The following CNTN4 variants were observed in gnomAD, a reference collection of about 807,000 sequenced individuals.
CNTN4 encodes contactin 4.
In CNTN4, 77 loss-of-function variants were observed where a neutral mutation model predicts 122.5. The observed-to-expected ratio is 0.63, with a 90% CI of 0.52 to 0.76. The LOEUF is 0.76. Among genes scored for constraint, CNTN4 ranks in the 30% least tolerant of loss-of-function variants. The probability of loss-of-function intolerance (pLI) is 0.00; values close to 1 mark genes in which losing one functional copy is unlikely to be tolerated. For missense variants in CNTN4, 1,256 were observed against 1,259.1 expected (o/e 1.00, Z 0.04); for synonymous variants, 512 against 447.0 (o/e 1.15, Z -1.83).
At chr3:2,832,149 A>G (rs995453136) in intron 7 of CNTN4, among the ~76,000 whole-genome samples, 3 of 152,208 alleles carry the variant, frequency 2.0e-5, no homozygotes, top group Non-Finnish European at 2.9e-5. Flanking sequence ...GTTTACTTCA[A>G]TGGACACAGT....
chr3:2,357,047 C>G (rs898089533), intron 3 of CNTN4, among the ~76,000 whole-genome samples: 1 of 152,256 alleles, frequency 6.6e-6, no homozygotes, highest in Non-Finnish European at 1.5e-5. Flanking sequence ...ACCAGTACTT[C>G]TCAAACTTAA....
At chr3:2,283,762 C>G (rs2041807160) in intron 2 of CNTN4, among the ~76,000 whole-genome samples, 1 of 152,108 alleles carries the variant, frequency 6.6e-6, no homozygotes, top group South Asian at 2.1e-4. Flanking sequence ...TCCCTAAATA[C>G]AATTCAAACG....
At chr3:2,271,869 C>G (rs1445036757) in intron 2 of CNTN4, among the ~76,000 whole-genome samples, 1 of 152,114 alleles carries the variant, frequency 6.6e-6, no homozygotes, top group African/African-American at 2.4e-5. Context: ...TATGTCATTA[C>G]TTTCTATATC....
At chr3:2,345,917 C>G (rs945802477) in intron 3 of CNTN4, among the ~76,000 whole-genome samples, 2 of 152,092 alleles carry the variant, frequency 1.3e-5, no homozygotes, top group Admixed American at 1.3e-4. Context: ...AATATTACTT[C>G]ATTTAAATTA....
intron 3 of CNTN4, among the ~76,000 whole-genome samples, chr3:2,453,165 G>T (rs1328353018): frequency 6.6e-6 from 1 of 151,834 alleles, no homozygotes; most frequent in African/African-American, 2.4e-5. Flanking sequence ...AAATAATCTA[G>T]TGGTTGGTAA....
chr3:2,514,371 C>T (rs1171892225), intron 3 of CNTN4, among the ~76,000 whole-genome samples: 2 of 151,766 alleles, frequency 1.3e-5, no homozygotes, highest in Non-Finnish European at 2.9e-5. Flanking sequence ...GGTGTGGTGG[C>T]ACAGGCCTGT....
intron 4 of CNTN4, among the ~76,000 whole-genome samples, chr3:2,668,093 A>C (rs1190342413): frequency 6.6e-6 from 1 of 152,234 alleles, no homozygotes; most frequent in Non-Finnish European, 1.5e-5. Flanking sequence ...TTGGTTCCAT[A>C]TGAACTTTAA....
Position 2,925,648 on chromosome 3 carries a change from A to T in CNTN4, c.1227A>T (p.Ser409=). ...LSVIAVGPDF[S]RTLLKRVTLV... ...TTTCAGCTGTAGGTCCAGATTTTTC[A>T]AGAACACTCTTGAAAAGAGTAACTC... Residue 409 remains serine, a synonymous_variant, in exon 13 of 25, where the codon TCA becomes TCT. Transcript: ENST00000418658. 6.2e-7 allele frequency: 1 copy of T among 1,614,024 alleles called. No homozygotes were observed. The highest frequency in any genetic ancestry group is 8.5e-7 in the Non-Finnish European group (1 of 1,179,938).
In CNTN4 at chr3:2,385,575, C is replaced by T. The variant is rs192549224; in HGVS notation, c.-89+46342C>T. ...ATCAGGTGTTGGTAGGGCTGTGCTC[C>T]GTCTGTAACCTCTAGGGGAGGGTCG... On this transcript the variant is annotated intron_variant, in intron 3 of 24. Transcript: ENST00000418658. The surrounding 1 kb of genome is among the most constrained non-coding windows in gnomAD (Gnocchi z 4.0). 3.4e-4 allele frequency among the ~76,000 whole-genome samples: 51 copies of T among 152,150 alleles called. No individual in the cohort carries two copies. The highest frequency in any genetic ancestry group is 1.1e-3 in the African/African-American group (46 of 41,542).
intron 2 of CNTN4, among the ~76,000 whole-genome samples, chr3:2,300,121 ATTAT>A (rs1287830097): frequency 2.0e-5 from 3 of 152,198 alleles, no homozygotes; most frequent in African/African-American, 7.2e-5. Flanking sequence ...CTTGAGATAG[ATTAT>A]TTATAGCCCC....
At chr3:2,734,226 A>G (rs2088913094) in intron 4 of CNTN4, among the ~76,000 whole-genome samples, 1 of 152,044 alleles carries the variant, frequency 6.6e-6, no homozygotes, top group Non-Finnish European at 1.5e-5. Context: ...AAGCCCAGCT[A>G]ATTTTTTAAT....
At position 2,942,802 on chromosome 3, in the gene CNTN4, C is replaced by T. The variant is rs1206604083; in HGVS notation, c.1358+17023C>T. ...CTCAGAATCCTTAATATGTTGATTACAGTGATAATCTTCAGGAAGCGTGGT... is the reference window on the plus strand; with the variant it reads ...CTCAGAATCCTTAATATGTTGATTATAGTGATAATCTTCAGGAAGCGTGGT... On this transcript the variant is annotated intron_variant, in intron 13 of 24. Transcript: ENST00000418658. 3.3e-5 allele frequency among the ~76,000 whole-genome samples: 5 copies of T among 152,142 alleles called. No homozygotes were observed. In the South Asian group the frequency reaches 8.3e-4, roughly 25 times the overall value.
intron 3 of CNTN4, among the ~76,000 whole-genome samples, chr3:2,376,600 G>A (rs537233150): frequency 6.7e-6 from 1 of 150,244 alleles, no homozygotes; most frequent in East Asian, 2.0e-4. Context: ...ACTGTTTTTA[G>A]GTCTTTCTAC....
chr3:2,882,193 T>C (rs2093919248), intron 8 of CNTN4, among the ~76,000 whole-genome samples: 3 of 152,048 alleles, frequency 2.0e-5, no homozygotes, highest in Admixed American at 6.5e-5. Context: ...TGAAACCCCG[T>C]CTCCACTAAA....
Position 2,154,123 on chromosome 3 carries a change from G to A in CNTN4, c.-145+53484G>A, listed in dbSNP as rs912701138. ...TGACTGGCCAGGCATGGTGTCTGAC[G>A]CCTGTAATCCCAGCAATTTAGGAGG... On this transcript the variant is annotated intron_variant, in intron 2 of 24. Transcript: ENST00000418658. Among the ~76,000 whole-genome samples, 37 of 151,980 alleles carry A rather than the reference G, an allele frequency of 2.4e-4. No homozygotes were observed. In the East Asian group the frequency reaches 4.3e-3, roughly 17 times the overall value.
chr3:2,506,625 G>C (rs1490062728), intron 3 of CNTN4, among the ~76,000 whole-genome samples: 3 of 152,212 alleles, frequency 2.0e-5, no homozygotes, highest in Non-Finnish European at 2.9e-5. Context: ...TGTTTGCATT[G>C]CATCCCAACT....
chr3:2,409,321 C>T, intron 3 of CNTN4, among the ~76,000 whole-genome samples: 1 of 148,680 alleles, frequency 6.7e-6, no homozygotes, highest in Non-Finnish European at 1.5e-5. Context: ...GATCTTGACT[C>T]ACTGCAAGCT....
In CNTN4 at chr3:2,671,089, A is replaced by C. The variant is rs1358917217; in HGVS notation, c.56-65126A>C. 4.6e-5 allele frequency among the ~76,000 whole-genome samples: 7 copies of C among 152,138 alleles called. No homozygotes were observed. The South Asian group carries it at 8.3e-4, about 18-fold the overall frequency. ...ATGTGTCTTGGAGTTGCTCTTCTCG[A>C]GGAGTATCTTTGTGGCGTTCTCTGT... is the stretch of plus-strand genomic sequence containing the variant. On this transcript the variant is annotated intron_variant, in intron 4 of 24. Coordinates refer to ENST00000418658, the MANE Select transcript of CNTN4 (RefSeq NM_175607.3).
intron 10 of CNTN4, among the ~76,000 whole-genome samples, chr3:2,895,327 G>A (rs1268357104): frequency 1.3e-5 from 2 of 152,168 alleles, no homozygotes; most frequent in Non-Finnish European, 2.9e-5. Flanking sequence ...TAATGATAAT[G>A]TTCTCCTAAT....
Sources: allele counts gnomAD v4.1 joint callset (sites outside exome capture counted in the v4.1 genomes callset), GRCh38; gene constraint gnomAD v4.1.1; non-coding constraint Gnocchi (gnomAD v3.1); transcripts MANE v1.5; gene names NCBI Gene and HGNC (gene_info 2026-07-23, HGNC 2026-07-21).